Variants in POLR1A observed in about 807,000 individuals in gnomAD.
The protein encoded by POLR1A is RNA polymerase I subunit A.
In POLR1A, 84 loss-of-function variants were observed where a neutral mutation model predicts 205.3. The ratio of observed to expected loss-of-function variants is 0.41; its 90% confidence interval spans 0.34 to 0.49. POLR1A has a LOEUF of 0.49. Ranked by LOEUF, POLR1A falls within the 20% of genes least tolerant of loss-of-function variation. POLR1A has a pLI of 0.22. For synonymous variants in POLR1A, 799 were observed against 863.7 expected (o/e 0.93, Z 1.31); for missense variants, 1,645 against 2,204.5 (o/e 0.75, Z 5.08).
rs777899218 is a variant in POLR1A, at chr2:86,027,516, G to A, written c.5070C>T (p.His1690=). Residue 1690 remains histidine (H), a synonymous_variant, in exon 34 of 34, where the codon CAC becomes CAT. Coordinates refer to ENST00000263857, the MANE Select transcript of POLR1A (RefSeq NM_015425.6). Reference sequence around the variant, plus strand: ...AGGCAGAAGGAGACCTCAGCTCATCGTGGGATCCTGACAGAGACACAAAAA... The same window carrying A: ...AGGCAGAAGGAGACCTCAGCTCATCATGGGATCCTGACAGAGACACAAAAA... ...FLKQATMLGS[H]DELRSPSACL... 17 of 1,613,752 alleles carry A rather than the reference G, an allele frequency of 1.1e-5. No individual in the cohort carries two copies. Among genetic ancestry groups the A allele is most frequent in the Admixed American group, 3.3e-5 (2 of 59,990 alleles).
At chr2:86,084,928 G>A (rs1188312597) in intron 6 of POLR1A, among the ~76,000 whole-genome samples, 2 of 151,942 alleles carry the variant, frequency 1.3e-5, no homozygotes, top group Admixed American at 6.6e-5. Context: ...CATAATTTAA[G>A]TAGTCTCTGT....
chr2:86,064,803 G>A lies in POLR1A; in HGVS notation c.2058+471C>T, dbSNP rs192649590. Among the ~76,000 whole-genome samples, 21 of 151,698 alleles carry A rather than the reference G, an allele frequency of 1.4e-4. No individual in the cohort carries two copies. In the East Asian group the frequency reaches 3.9e-3, roughly 28 times the overall value. ...GGAGTCTCACTCTGTTGCCCAGGCAGGAGTGCAGTGGCTGATCCTGACTCA... is the reference window on the plus strand; with the variant it reads ...GGAGTCTCACTCTGTTGCCCAGGCAAGAGTGCAGTGGCTGATCCTGACTCA... On this transcript the variant is annotated intron_variant, in intron 14 of 33. Transcript: ENST00000263857.
chr2:86,024,549 C>T lies in POLR1A; in HGVS notation c.*2874G>A, dbSNP rs1036482557. ...ATGTTTCAAAGACTCACAGGAATAT[C>T]TGTGGGAATGCTGATAGTGTTTCTG... On this transcript the variant is annotated 3_prime_UTR_variant, in exon 34 of 34. Coordinates refer to ENST00000263857, the MANE Select transcript of POLR1A (RefSeq NM_015425.6). 1.3e-5 allele frequency: 2 copies of T among 152,134 alleles called. No individual in the cohort carries two copies. Among genetic ancestry groups the T allele is most frequent in the Non-Finnish European group, 2.9e-5 (2 of 68,038 alleles). 9.4% of individuals were successfully genotyped at this position (152,134 alleles called of 1,614,324 possible).
At chr2:86,043,970 G>C (rs139312617) in intron 22 of POLR1A, among the ~76,000 whole-genome samples, 169 bp downstream of exon 22, 1 of 152,328 alleles carries the variant, frequency 6.6e-6, no homozygotes, top group Non-Finnish European at 1.5e-5. Context: ...CACAGGCTTT[G>C]AAATTGTCAA....
intron 1 of POLR1A, among the ~76,000 whole-genome samples, chr2:86,104,407 G>A (rs1673879009): frequency 6.6e-6 from 1 of 151,546 alleles, no homozygotes; most frequent in South Asian, 2.1e-4. Flanking sequence ...ATTTTGGAGG[G>A]GTAAGTAACC....
At chr2:86,029,309 CA>C (rs1267320272) in intron 31 of POLR1A, among the ~76,000 whole-genome samples, 2 of 151,608 alleles carry the variant, frequency 1.3e-5, no homozygotes, top group Non-Finnish European at 2.9e-5. Context: ...GTGTACGTGG[CA>C]GGGGGAGCTT....
intron 13 of POLR1A, among the ~76,000 whole-genome samples, chr2:86,065,990 A>G (rs1673077267): frequency 6.6e-6 from 1 of 152,272 alleles, no homozygotes; most frequent in South Asian, 2.1e-4. Context: ...ATGGTCCTTT[A>G]TGATGAAGAA....
chr2:86,039,585 G>T, intron 25 of POLR1A, 123 bp from the exon 26 acceptor site: 1 of 1,134,520 alleles, frequency 8.8e-7, no homozygotes, highest in Non-Finnish European at 1.3e-6. Flanking sequence ...ATCTCACAGG[G>T]ATAATATGCT....
intron 15 of POLR1A, 83 bp downstream of exon 15, chr2:86,054,057 C>A: frequency 7.4e-7 from 1 of 1,348,704 alleles, no homozygotes. Context: ...TGTGAATGTG[C>A]CTCCATTTCT....
intron 14 of POLR1A, among the ~76,000 whole-genome samples, chr2:86,061,833 T>TAGA (rs1213881590): frequency 8.6e-5 from 13 of 152,016 alleles, no homozygotes; most frequent in African/African-American, 3.1e-4. Context: ...TGACGAGGGG[T>TAGA]AGAAACTGGG....
chr2:86,033,347 G>A (rs1027172104), intron 28 of POLR1A, among the ~76,000 whole-genome samples: 5 of 152,250 alleles, frequency 3.3e-5, no homozygotes, highest in Non-Finnish European at 5.9e-5. Context: ...AAGGCTCAGC[G>A]CACGCCATGA....
intron 6 of POLR1A, 84 bp downstream of exon 6, chr2:86,088,482 G>C (rs981138722): frequency 1.2e-6 from 1 of 847,634 alleles, no homozygotes; most frequent in Admixed American, 2.0e-5. Context: ...AGAAACACGT[G>C]GTGAGGAGAA....
chr2:86,080,486 G>T (rs1207425840), intron 9 of POLR1A, among the ~76,000 whole-genome samples: 4 of 152,160 alleles, frequency 2.6e-5, no homozygotes, highest in Non-Finnish European at 4.4e-5. Context: ...AGAGCTGGTA[G>T]CCCGGAACAG....
chr2:86,065,202 T>G, intron 14 of POLR1A, 72 bp downstream of exon 14: 21 of 1,349,256 alleles, frequency 1.6e-5, no homozygotes, highest in Non-Finnish European at 2.2e-5. Context: ...TGGACTCTTC[T>G]GAGAATAAAA....
At chr2:86,101,437 G>A (rs1673821069) in intron 1 of POLR1A, among the ~76,000 whole-genome samples, 2 of 152,178 alleles carry the variant, frequency 1.3e-5, no homozygotes, top group South Asian at 4.1e-4. Flanking sequence ...TAAGGGCCAA[G>A]GCGACAGGGA....
At chr2:86,076,488 C>G (rs770370796) in intron 11 of POLR1A, among the ~76,000 whole-genome samples, 2 of 152,232 alleles carry the variant, frequency 1.3e-5, no homozygotes, top group Non-Finnish European at 2.9e-5. Flanking sequence ...CAGCTCCTTG[C>G]TCCTGTGGCA....
At chr2:86,093,471 C>CA (rs1216594091) in intron 3 of POLR1A, among the ~76,000 whole-genome samples, 1 of 152,164 alleles carries the variant, frequency 6.6e-6, no homozygotes, top group Non-Finnish European at 1.5e-5. Context: ...GGTAACTTAG[C>CA]ACTGATAAAT....
At chr2:86,084,527 C>T (rs1020728211) in intron 6 of POLR1A, among the ~76,000 whole-genome samples, 3 of 152,140 alleles carry the variant, frequency 2.0e-5, no homozygotes, top group Non-Finnish European at 4.4e-5. Flanking sequence ...CATATCAGGA[C>T]AGGCACTATG....
chr2:86,048,910 T>G lies in POLR1A; in HGVS notation c.2608A>C (p.Asn870His), dbSNP rs1672752107. The G allele has an allele frequency of 6.2e-7, 1 of 1,614,172 alleles. No homozygotes were observed. Among genetic ancestry groups the G allele is most frequent in the East Asian group, 2.2e-5 (1 of 44,884 alleles). Residue 870 changes from asparagine (N) to histidine (H), a missense_variant, in exon 18 of 34, where the codon AAC becomes CAC. By Grantham distance (68) the Asn-to-His change is moderately conservative. This residue lies in a region of POLR1A where 339 missense variants were observed against 415.1 expected (regional missense o/e 0.82). Transcript: ENST00000263857. ...TTGTTAATCTCATTGCTGTAATGGT[T>G]CACTTCCTCCTTGAACTTCAGATCA... ...MIDLKFKEEV[N>H]HYSNEINKAC...
Sources: allele counts gnomAD v4.1 joint callset (sites outside exome capture counted in the v4.1 genomes callset), GRCh38; gene constraint gnomAD v4.1.1; regional missense constraint gnomAD v4.1.1; transcripts MANE v1.5; gene names NCBI Gene and HGNC (gene_info 2026-07-23, HGNC 2026-07-21).